Variants in CCDC57 observed in about 807,000 individuals in gnomAD.
CCDC57 encodes the protein coiled-coil domain-containing protein 57.
Under a neutral mutation model 118.9 loss-of-function variants are expected in CCDC57, and 118 were observed. The ratio of observed to expected loss-of-function variants is 0.99; its 90% CI spans 0.86 to 1.16. The LOEUF (loss-of-function observed/expected upper bound fraction) is 1.16. Ranked by LOEUF, CCDC57 falls within the 50% of genes most tolerant of loss-of-function variation. The probability of loss-of-function intolerance (pLI) is 0.00; values close to 1 mark genes in which losing one functional copy is unlikely to be tolerated. For synonymous variants in CCDC57, 527 were observed against 532.9 expected (o/e 0.99, Z 0.15); for missense variants, 1,300 against 1,320.7 (o/e 0.98, Z 0.24).
chr17:82,134,294 C>T (rs1269812685), intron 16 of CCDC57, 100 bp from the exon 16 acceptor site: 29 of 1,190,730 alleles, frequency 2.4e-5, no homozygotes, highest in South Asian at 2.1e-4. Context: ...TGTTCCTTTT[C>T]AAAACCAAAG....
At chr17:82,155,893 T>C (rs952627874) in intron 15 of CCDC57, 1 of 152,200 alleles carries the variant, frequency 6.6e-6, no homozygotes, top group East Asian at 1.9e-4. Context: ...CCTCCATGCA[T>C]GTAGACACAG....
intron 16 of CCDC57, among the ~76,000 whole-genome samples, chr17:82,137,112 G>A (rs920869920): frequency 5.4e-5 from 8 of 148,646 alleles, no homozygotes; most frequent in African/African-American, 2.0e-4. Flanking sequence ...CCACTTCCCA[G>A]GTTCAAGCAA....
chr17:82,134,085 A>AT lies in CCDC57; in HGVS notation c.2564dup (p.His855GlnfsTer13). ...GAAGGGGTGTTACCTGAGATGTAAA[A>AT]TGGGGCTGCACCTGTCCCAAAGGTG... is the stretch of plus-strand genomic sequence containing the variant. On this transcript the variant is annotated frameshift_variant, in exon 17 of 20. Coordinates refer to ENST00000665763, the Ensembl canonical transcript of CCDC57. LOFTEE classifies it high-confidence loss of function. 7.1e-7 allele frequency: 1 copy of AT among 1,414,036 alleles called. No individual in the cohort carries two copies. Among genetic ancestry groups the AT allele is most frequent in the Admixed American group, 3.4e-5 (1 of 29,518 alleles). 87.6% of individuals were successfully genotyped at this position (1,414,036 alleles called of 1,614,324 possible). A position where few individuals can be genotyped will look rare whatever the true frequency, so the allele number is the denominator to read the frequency against.
intron 7 of CCDC57, among the ~76,000 whole-genome samples, chr17:82,191,108 TAAAAATA>T (rs941872793): frequency 4.4e-5 from 6 of 137,172 alleles, no homozygotes; most frequent in Admixed American, 1.6e-4. Flanking sequence ...GGCAAAAAAA[TAAAAATA>T]AAAAATAAAA....
At chr17:82,182,490 A>T (rs972237157) in intron 9 of CCDC57, among the ~76,000 whole-genome samples, 1 of 150,978 alleles carries the variant, frequency 6.6e-6, no homozygotes, top group Non-Finnish European at 1.5e-5. Flanking sequence ...AGTAGCTGGG[A>T]TTACAGGCGT....
chr17:82,163,446 T>C, intron 13 of CCDC57, 89 bp from the exon 13 acceptor site: 1 of 1,494,286 alleles, frequency 6.7e-7, no homozygotes, highest in Admixed American at 2.0e-5. Context: ...AGCTCTCCCT[T>C]TCCCGTGAGG....
At chr17:82,155,598 CA>C (rs748826372) in intron 15 of CCDC57, 2 of 152,430 alleles carry the variant, frequency 1.3e-5, no homozygotes, top group Non-Finnish European at 2.9e-5. Flanking sequence ...TGGGCCCTCT[CA>C]GGACAGAGCT....
rs369947479 is a variant in CCDC57 at position 82,125,588 on chromosome 17, C to G, written c.2899+2104G>C. Among the ~76,000 whole-genome samples the G allele has an allele frequency of 1.9e-3, 292 of 152,200 alleles. 1 individual carries two copies. Among genetic ancestry groups the G allele is most frequent in the African/African-American group, 7.0e-3 (289 of 41,540 alleles). On this transcript the variant is annotated intron_variant, in intron 19 of 19. Coordinates refer to ENST00000665763, the Ensembl canonical transcript of CCDC57. ...ACGGGGTTTCACCATGTTGGCCAGGCTGGTCTTGAACTCCTGACCTCAACT... is the reference window on the plus strand; with the variant it reads ...ACGGGGTTTCACCATGTTGGCCAGGGTGGTCTTGAACTCCTGACCTCAACT...
intron 14 of CCDC57, among the ~76,000 whole-genome samples, chr17:82,161,501 C>G (rs1004776078): frequency 1.3e-5 from 2 of 152,136 alleles, no homozygotes; most frequent in African/African-American, 4.8e-5. Flanking sequence ...CGGAAACAAC[C>G]CAAATGTTGA....
At chr17:82,139,011 C>T (rs1334476298) in intron 16 of CCDC57, among the ~76,000 whole-genome samples, 2 of 152,108 alleles carry the variant, frequency 1.3e-5, no homozygotes, top group Non-Finnish European at 2.9e-5. Context: ...CAGACGGCCA[C>T]CGCCTGCCCC....
rs774462415 is a variant in CCDC57 at position 82,172,824 on chromosome 17, CTT to C, written c.1541_1542del (p.Lys514ArgfsTer6). On this transcript the variant is annotated frameshift_variant, in exon 12 of 20. Coordinates refer to ENST00000665763, the Ensembl canonical transcript of CCDC57. LOFTEE classifies it high-confidence loss of function. This position sits in a 1 kb window ranked among gnomAD's most constrained non-coding sequence, Gnocchi z 5.2. ...CGCTGGATCTCACTGGATGGAAAGT[CTT>C]TACTTATTTCTTCTTCATGCTGCCT... 26 of 1,613,224 alleles carry C rather than the reference CTT, an allele frequency of 1.6e-5. No homozygotes were observed. The East Asian group carries it at 2.7e-4, about 17-fold the overall frequency.
chr17:82,143,246 T>C (rs1022917792), intron 16 of CCDC57, among the ~76,000 whole-genome samples: 1 of 151,626 alleles, frequency 6.6e-6, no homozygotes, highest in African/African-American at 2.4e-5. Context: ...AAAGTGATAC[T>C]CATGAAAACT....
chr17:82,188,396 G>T, exon 8 of CCDC57: 1 of 1,611,522 alleles, frequency 6.2e-7, no homozygotes, highest in Non-Finnish European at 8.5e-7. Context: ...CTTCTCCCTG[G>T]CCAGACGGTC....
chr17:82,203,740 T>C (rs973049148), intron 2 of CCDC57, among the ~76,000 whole-genome samples: 1 of 152,172 alleles, frequency 6.6e-6, no homozygotes, highest in Non-Finnish European at 1.5e-5. Context: ...TTCTCTGGTG[T>C]CCACACAGGG....
chr17:82,113,815 G>T, intron 19 of CCDC57: 1 of 621,102 alleles, frequency 1.6e-6, no homozygotes, highest in Non-Finnish European at 2.9e-6. Flanking sequence ...CTATGGTGAT[G>T]TGCACCTGTA....
At chr17:82,102,688 G>T (rs1398193108) in intron 19 of CCDC57, among the ~76,000 whole-genome samples, 2 of 152,026 alleles carry the variant, frequency 1.3e-5, no homozygotes, top group African/African-American at 4.8e-5. Context: ...TTCAAGACTA[G>T]CCTGGCCAAC....
In CCDC57 at chr17:82,130,499, CT is replaced by C. The variant is rs35413191; in HGVS notation, c.2578-1903del. Among the ~76,000 whole-genome samples the C allele has an allele frequency of 3.2e-3, 283 of 88,938 alleles. 1 individual carries two copies. The highest frequency in any genetic ancestry group is 8.7e-3 in the East Asian group (23 of 2,634). 58.3% of individuals were successfully genotyped at this position (88,938 alleles called of 152,430 possible). A position where few individuals can be genotyped will look rare whatever the true frequency, so the allele number is the denominator to read the frequency against. ...CGTGAGCCACCACACCCAGACAAAACTTTTTTTTTTTTTTTTTTTTTGAGAT... is the reference window on the plus strand; with the variant it reads ...CGTGAGCCACCACACCCAGACAAAACTTTTTTTTTTTTTTTTTTTTGAGAT... On this transcript the variant is annotated intron_variant, in intron 17 of 19. Coordinates refer to ENST00000665763, the Ensembl canonical transcript of CCDC57.
At chr17:82,113,361 C>T (rs149491311) in intron 19 of CCDC57, 6 of 715,830 alleles carry the variant, frequency 8.4e-6, no homozygotes, top group East Asian at 2.7e-5. Context: ...ATGTCACCAG[C>T]GTGACCTGCT....
chr17:82,124,447 T>G (rs2037149327), intron 19 of CCDC57, among the ~76,000 whole-genome samples: 1 of 152,190 alleles, frequency 6.6e-6, no homozygotes, highest in East Asian at 1.9e-4. Context: ...GGTTCTGGCT[T>G]CATTTTCCAT....
Sources: gnomAD v4.1 joint callset for allele counts (sites outside exome capture counted in the v4.1 genomes callset) on GRCh38, gnomAD v4.1.1 for gene constraint, Gnocchi (gnomAD v3.1) non-coding constraint, MANE v1.5 for transcripts, NCBI Gene and HGNC (gene_info 2026-07-23, HGNC 2026-07-21) for gene names.